OR5BS1: variants seen among roughly 807,000 people sequenced by gnomAD.
OR5BS1 encodes olfactory receptor 5BS1.
At chr12:48,560,877 T>C in the OR5BS1 span, among the ~76,000 whole-genome samples, 7 of 152,090 alleles carry the variant, frequency 4.6e-5, no homozygotes, top group Middle Eastern at 3.4e-3. Flanking sequence ...CTGAGGTGGG[T>C]GGATCACTTG....
the OR5BS1 span, among the ~76,000 whole-genome samples, chr12:48,562,436 A>G: frequency 6.6e-6 from 1 of 152,256 alleles, no homozygotes; most frequent in Non-Finnish European, 1.5e-5. Context: ...TTTGAAGAGT[A>G]TGAAATGCTA....
chr12:48,562,460 T>A, the OR5BS1 span, among the ~76,000 whole-genome samples: 31,276 of 152,138 alleles, frequency 0.21, 5,049 homozygotes, highest in East Asian at 0.59. Flanking sequence ...AAATGTATGA[T>A]ATTATTATTC....
At chr12:48,560,462 C>T in the OR5BS1 span, 1 of 401,606 alleles carries the variant, frequency 2.5e-6, no homozygotes, top group Admixed American at 4.4e-5. Context: ...GACCCCTGCG[C>T]TAGCATCGTC....
At chr12:48,562,770 C>T in the OR5BS1 span, 5 of 401,574 alleles carry the variant, frequency 1.2e-5, no homozygotes, top group Non-Finnish European at 2.2e-5. Context: ...TCATAAGTTG[C>T]TTTTCTGTAC....
the OR5BS1 span, among the ~76,000 whole-genome samples, chr12:48,561,015 A>C: frequency 3.1e-4 from 47 of 151,502 alleles, no homozygotes; most frequent in Admixed American, 1.1e-3. Context: ...AGGCAGGAGA[A>C]TTGCTTCAGC....
the OR5BS1 span, among the ~76,000 whole-genome samples, chr12:48,561,074 G>T: frequency 6.7e-6 from 1 of 148,510 alleles, no homozygotes; most frequent in Non-Finnish European, 1.5e-5. Flanking sequence ...CTGCACTCCA[G>T]CCTGGGTGAC....
At chr12:48,560,675 G>C in the OR5BS1 span, 7 of 400,764 alleles carry the variant, frequency 1.7e-5, no homozygotes, top group Non-Finnish European at 3.1e-5. Context: ...CTATACCCCT[G>C]AATATAAATG....
chr12:48,560,044 C>T, the OR5BS1 span: 3 of 403,334 alleles, frequency 7.4e-6, no homozygotes, highest in African/African-American at 4.1e-5. Flanking sequence ...TGATTCCCAC[C>T]TCTGCACCCC....
the OR5BS1 span, among the ~76,000 whole-genome samples, chr12:48,561,776 T>A: frequency 6.6e-6 from 1 of 151,622 alleles, no homozygotes; most frequent in Non-Finnish European, 1.5e-5. Context: ...GAAAAAAAAA[T>A]AAGTAAAATA....
At chr12:48,561,932 A>T in the OR5BS1 span, among the ~76,000 whole-genome samples, 4 of 123,744 alleles carry the variant, frequency 3.2e-5, no homozygotes, top group African/African-American at 9.3e-5. Context: ...AGATGACAAA[A>T]AATAACAGTA....
At chr12:48,561,898 T>C in the OR5BS1 span, among the ~76,000 whole-genome samples, 1 of 152,174 alleles carries the variant, frequency 6.6e-6, no homozygotes, top group African/African-American at 2.4e-5. Flanking sequence ...ACTTACTTCA[T>C]AGAAATGTTA....
chr12:48,562,487 T>A, the OR5BS1 span, among the ~76,000 whole-genome samples: 6 of 152,354 alleles, frequency 3.9e-5, no homozygotes, highest in African/African-American at 1.4e-4. Flanking sequence ...TTTTTTTGTT[T>A]TACTTTTTAT....
the OR5BS1 span, chr12:48,560,041 C>A: frequency 2.5e-6 from 1 of 403,270 alleles, no homozygotes; most frequent in East Asian, 3.5e-5. Context: ...TACTGATTCC[C>A]ACCTCTGCAC....
chr12:48,562,915 C>T, the OR5BS1 span: 7 of 401,550 alleles, frequency 1.7e-5, no homozygotes, highest in Middle Eastern at 3.1e-4. Context: ...AAAGGTGGCT[C>T]TGAGGAGGAT....
chr12:48,562,551 C>A, the OR5BS1 span, among the ~76,000 whole-genome samples: 1 of 152,204 alleles, frequency 6.6e-6, no homozygotes, highest in African/African-American at 2.4e-5. Context: ...TGCTGCAGAA[C>A]TGCTTGTTCC....
chr12:48,560,171 G>A, the OR5BS1 span: 1 of 401,362 alleles, frequency 2.5e-6, no homozygotes, highest in Non-Finnish European at 4.4e-6. Flanking sequence ...TTCCTTGAGT[G>A]TTTCACTCAG....
At chr12:48,560,700 C>T in the OR5BS1 span, 80 of 400,448 alleles carry the variant, frequency 2.0e-4, no homozygotes, top group Non-Finnish European at 3.1e-4. Flanking sequence ...ATATTCCTTA[C>T]CCTAAGTGGT....
chr12:48,562,287 G>T, the OR5BS1 span, among the ~76,000 whole-genome samples: 2 of 152,070 alleles, frequency 1.3e-5, no homozygotes, highest in African/African-American at 4.8e-5. Flanking sequence ...ATGAAGGTTG[G>T]GAATAATGAC....
chr12:48,560,866 G>T, the OR5BS1 span, among the ~76,000 whole-genome samples: 2 of 152,148 alleles, frequency 1.3e-5, no homozygotes, highest in Non-Finnish European at 2.9e-5. Context: ...ACTTTGGGAG[G>T]CTGAGGTGGG....
Sources: gnomAD v4.1 joint callset for allele counts (sites outside exome capture counted in the v4.1 genomes callset) on GRCh38, gnomAD v4.1.1 for gene constraint, MANE v1.5 for transcripts, NCBI Gene and HGNC (gene_info 2026-07-23, HGNC 2026-07-21) for gene names.